The following DHX30 variants were observed in gnomAD, a reference collection of about 807,000 sequenced individuals.
DHX30 encodes ATP-dependent RNA helicase DHX30.
Under a neutral mutation model 116.9 loss-of-function variants are expected in DHX30, and 4 were observed. The observed-to-expected ratio is 0.03, with a 90% CI of 0.02 to 0.08. The LOEUF is 0.08. Among genes scored for constraint, DHX30 ranks in the 10% least tolerant of loss-of-function variants. DHX30 has a pLI of 1.00. For missense variants in DHX30, 871 were observed against 1,595.1 expected (o/e 0.55, Z 7.73); for synonymous variants, 697 against 651.7 (o/e 1.07, Z -1.06).
intron 6 of DHX30, chr3:47,831,045 T>C (rs539700762): frequency 6.6e-6 from 1 of 151,894 alleles, no homozygotes; most frequent in Non-Finnish European, 1.5e-5. Context: ...TGGGCCCCCA[T>C]AGTACCCATC....
intron 2 of DHX30, among the ~76,000 whole-genome samples, chr3:47,808,566 T>G (rs1178395594): frequency 6.6e-6 from 1 of 151,564 alleles, no homozygotes; most frequent in African/African-American, 2.4e-5. Flanking sequence ...TTTTTTTTCT[T>G]AAATTTATTT....
intron 2 of DHX30, among the ~76,000 whole-genome samples, chr3:47,809,699 C>T (rs1051087462): frequency 3.9e-5 from 6 of 152,236 alleles, no homozygotes; most frequent in African/African-American, 1.4e-4. Context: ...GATTCCGCCC[C>T]AGGTCAGCCC....
At chr3:47,810,472 C>T (rs1280802836) in intron 2 of DHX30, among the ~76,000 whole-genome samples, 185 bp from the exon 3 acceptor site, 2 of 152,192 alleles carry the variant, frequency 1.3e-5, no homozygotes, top group East Asian at 3.8e-4. Flanking sequence ...GAAGCAAAGA[C>T]AATTACTCTA....
chr3:47,849,662 C>T lies in DHX30; in HGVS notation c.3224C>T (p.Thr1075Met), dbSNP rs2037963336. 1.2e-6 allele frequency: 2 copies of T among 1,614,092 alleles called. No individual in the cohort carries two copies. The highest frequency in any genetic ancestry group is 1.7e-5 in the Admixed American group (1 of 60,006). Residue 1075 changes from threonine to methionine, a missense_variant, in exon 21 of 22, where the codon ACG becomes ATG. This residue lies in a region of DHX30 where 238 missense variants were observed against 481.0 expected (regional missense o/e 0.49). Coordinates refer to ENST00000445061, the MANE Select transcript of DHX30 (RefSeq NM_138615.3). ...ACACGGTTACGGAGCCGATGGCTGA[C>T]GTATTTCATGGCAGTCAAGTCCAAT... ...EATRLRSRWLTYFMAVKSNGS... is the reference protein window; with the variant it reads ...EATRLRSRWLMYFMAVKSNGS...
chr3:47,847,897 A>G lies in DHX30; in HGVS notation c.2227A>G (p.Ile743Val), dbSNP rs1369600303. 2 of 1,614,172 alleles carry G rather than the reference A, an allele frequency of 1.2e-6. No homozygotes were observed. The highest frequency in any genetic ancestry group is 1.1e-5 in the South Asian group (1 of 91,080). Residue 743 changes from isoleucine (I) to valine (V), a missense_variant, in exon 14 of 22, where the codon ATC (isoleucine) becomes GTC (valine). Ile to Val is a conservative substitution (Grantham distance 29, BLOSUM62 3). This residue lies in a region of DHX30 where 20 missense variants were observed against 82.2 expected (regional missense o/e 0.24). Coordinates refer to ENST00000445061, the MANE Select transcript of DHX30 (RefSeq NM_138615.3). The surrounding 1 kb of genome is among the most constrained non-coding windows in gnomAD (Gnocchi z 5.5). ...IAETSITIND[I>V]VHVVDSGLHK... Reference sequence around the variant, plus strand: ...TGAGACTTCCATCACAATCAATGACATCGTGCATGTGGTGGACAGTGGGCT... The same window carrying G: ...TGAGACTTCCATCACAATCAATGACGTCGTGCATGTGGTGGACAGTGGGCT...
chr3:47,812,853 G>C (rs1254979277), intron 3 of DHX30, among the ~76,000 whole-genome samples: 2 of 151,200 alleles, frequency 1.3e-5, no homozygotes. Context: ...TAGTAGAGAT[G>C]GGATTTCGCC....
chr3:47,833,556 AAAG>A lies in DHX30; in HGVS notation c.366+4425_366+4427del, dbSNP rs1446973786. 3.3e-5 allele frequency among the ~76,000 whole-genome samples: 5 copies of A among 149,584 alleles called. No homozygotes were observed. In the East Asian group the frequency reaches 9.9e-4, roughly 29 times the overall value. On this transcript the variant is annotated intron_variant, in intron 6 of 21. Transcript: ENST00000445061. Reference sequence around the variant, plus strand: ...CTCTCTCAAAAAAAAAAAAAAAAAAAAAGAAAGAGCACCTAAAATGTACTCTTG... The same window carrying A: ...CTCTCTCAAAAAAAAAAAAAAAAAAAAAAGAGCACCTAAAATGTACTCTTG...
At chr3:47,811,027 G>T (rs2035765698) in intron 3 of DHX30, among the ~76,000 whole-genome samples, 1 of 151,762 alleles carries the variant, frequency 6.6e-6, no homozygotes, top group Non-Finnish European at 1.5e-5. Context: ...TCGGCTCAGT[G>T]CAATCTCCTC....
chr3:47,846,674 C>T lies in DHX30; in HGVS notation c.1602C>T (p.Phe534=). 1 of 1,614,104 alleles carries T rather than the reference C, an allele frequency of 6.2e-7. No individual in the cohort carries two copies. The highest frequency in any genetic ancestry group is 8.5e-7 in the Non-Finnish European group (1 of 1,180,038). ...CATCCCGAGGCGGGGCCCTGCTCTT[C>T]TGCACTGTGGGTATCCTGCTGCGTA... is the stretch of plus-strand genomic sequence containing the variant. ...KPPSRGGALL[F]CTVGILLRKL... The change falls in exon 11 of 22, where the codon TTC becomes TTT. Residue 534 remains phenylalanine, a synonymous_variant. Coordinates refer to ENST00000445061, the MANE Select transcript of DHX30 (RefSeq NM_138615.3).
chr3:47,809,609 T>C (rs2035700369), intron 2 of DHX30, among the ~76,000 whole-genome samples: 1 of 152,174 alleles, frequency 6.6e-6, no homozygotes, highest in Admixed American at 6.6e-5. Flanking sequence ...CTCTGTGATA[T>C]ACCATATCCT....
intron 10 of DHX30, 152 bp downstream of exon 10, chr3:47,846,004 G>C: frequency 7.0e-7 from 1 of 1,438,500 alleles, no homozygotes; most frequent in Non-Finnish European, 9.4e-7. Context: ...GAACAGCCCA[G>C]TCTTGCCCAC....
chr3:47,818,161 CTG>C (rs1393532160), intron 4 of DHX30, 44 bp downstream of exon 4: 1 of 764,782 alleles, frequency 1.3e-6, no homozygotes, highest in East Asian at 2.4e-5. Flanking sequence ...GGTCCAGGGT[CTG>C]TGGGGAGGTG....
chr3:47,806,895 C>T (rs1000948247), intron 2 of DHX30, among the ~76,000 whole-genome samples: 1 of 151,814 alleles, frequency 6.6e-6, no homozygotes, highest in Non-Finnish European at 1.5e-5. Flanking sequence ...GCCTGGCCCA[C>T]TACAAAGATT....
intron 4 of DHX30, among the ~76,000 whole-genome samples, chr3:47,823,459 G>C (rs2036391810): frequency 6.6e-6 from 1 of 151,798 alleles, no homozygotes; most frequent in African/African-American, 2.4e-5. Flanking sequence ...CGCCTCCCGG[G>C]TTCAAGCAAT....
chr3:47,849,895 G>A lies in DHX30; in HGVS notation c.3360G>A (p.Leu1120=). The change falls in exon 22 of 22, where the codon CTG becomes CTA. Residue 1120 remains leucine (L), a synonymous_variant. Transcript: ENST00000445061. The part of the protein sequence containing the change: ...RDDGRRATIS[L]SDSDLLRLEG... ...ACGGGCGCCGGGCCACCATCTCACT[G>A]AGCGACAGTGACCTGCTGCGGCTGG... The A allele has an allele frequency of 6.2e-7, 1 of 1,613,476 alleles. No individual in the cohort carries two copies. The highest frequency in any genetic ancestry group is 2.2e-5 in the East Asian group (1 of 44,876).
At chr3:47,818,492 C>T (rs1448856814) in intron 4 of DHX30, among the ~76,000 whole-genome samples, 2 of 152,172 alleles carry the variant, frequency 1.3e-5, no homozygotes, top group East Asian at 3.9e-4. Flanking sequence ...AGGGCTGGAA[C>T]AGATAGCCCT....
chr3:47,809,418 A>AT (rs958365050), intron 2 of DHX30, among the ~76,000 whole-genome samples: 3 of 150,446 alleles, frequency 2.0e-5, no homozygotes, highest in Admixed American at 6.6e-5. Context: ...ATTTTTTTGT[A>AT]TTTTTTTAGT....
intron 9 of DHX30, 100 bp from the exon 10 acceptor site, chr3:47,845,600 A>G: frequency 7.4e-7 from 1 of 1,343,038 alleles, no homozygotes; most frequent in Non-Finnish European, 9.7e-7. Flanking sequence ...TCTCTTAGAG[A>G]TTACTTGGCA....
In DHX30 at chr3:47,827,290, C is replaced by CA. The variant is rs1185751776; in HGVS notation, c.125-56dup. The CA allele has an allele frequency of 1.9e-6, 3 of 1,543,196 alleles. No homozygotes were observed. In the East Asian group the frequency reaches 6.9e-5, roughly 36 times the overall value. The stretch of plus-strand genomic sequence containing the variant: ...CCCAGGGTTGCCCTGATACACACCC[C>CA]ATGGAGTTTTTAAAAGAAAAAGAAC... On this transcript the variant is annotated intron_variant, in intron 4 of 21. Coordinates refer to ENST00000445061, the MANE Select transcript of DHX30 (RefSeq NM_138615.3).
Sources: allele counts gnomAD v4.1 joint callset (sites outside exome capture counted in the v4.1 genomes callset), GRCh38; gene constraint gnomAD v4.1.1; regional missense constraint gnomAD v4.1.1; non-coding constraint Gnocchi (gnomAD v3.1); transcripts MANE v1.5; gene names NCBI Gene and HGNC (gene_info 2026-07-23, HGNC 2026-07-21).